The following SRC variants were observed in gnomAD, a reference collection of about 807,000 sequenced individuals.
SRC encodes SRC proto-oncogene, non-receptor tyrosine kinase.
A neutral mutation model predicts 62.9 loss-of-function variants in SRC; 13 were observed. That is an observed-to-expected ratio of 0.21 (90% CI 0.13 to 0.33). The LOEUF is 0.33. Among genes scored for constraint, SRC ranks in the 10% least tolerant of loss-of-function variants. The pLI is 1.00. For synonymous variants in SRC, 302 were observed against 317.5 expected (o/e 0.95, Z 0.52); for missense variants, 457 against 737.3 (o/e 0.62, Z 4.40).
At chr20:37,388,489 T>A (rs1022767115) in intron 5 of SRC, among the ~76,000 whole-genome samples, 4 of 152,232 alleles carry the variant, frequency 2.6e-5, no homozygotes, top group Admixed American at 2.6e-4. Context: ...CTCACGCCTG[T>A]AATCCCAGCA....
chr20:37,396,718 G>C lies in SRC; in HGVS notation c.703+407G>C. ...GAGAGGAGGAGGGGGCGGCCAGATC[G>C]ATTGCAGCAAAGAGGGAAGAGAGCG... On this transcript the variant is annotated intron_variant, in intron 8 of 13. Coordinates refer to ENST00000373578, the MANE Select transcript of SRC (RefSeq NM_198291.3). This position sits in a 1 kb window ranked among gnomAD's most constrained non-coding sequence, Gnocchi z 6.1. The C allele has an allele frequency of 5.0e-6, 1 of 199,090 alleles. No individual in the cohort carries two copies. 12.3% of individuals were successfully genotyped at this position (199,090 alleles called of 1,614,324 possible).
chr20:37,403,408 G>T lies in SRC; in HGVS notation c.*29G>T, dbSNP rs1038695351. ...CAGGCGGGCCCAGACCGGCTTCTCG[G>T]CTTGGATCCTGGGCTGGGTGGCCCC... On this transcript the variant is annotated 3_prime_UTR_variant, in exon 14 of 14. Transcript: ENST00000373578. This position sits in a 1 kb window ranked among gnomAD's most constrained non-coding sequence, Gnocchi z 7.1. The T allele has an allele frequency of 6.5e-6, 10 of 1,543,036 alleles. No homozygotes were observed. The Admixed American group carries it at 1.4e-4, about 21-fold the overall frequency.
chr20:37,363,218 C>T (rs758640481), intron 1 of SRC, among the ~76,000 whole-genome samples: 48 of 152,262 alleles, frequency 3.2e-4, no homozygotes, highest in Non-Finnish European at 5.9e-5. Context: ...AGAAAAGCTT[C>T]CTGGCCCTGC....
intron 1 of SRC, among the ~76,000 whole-genome samples, chr20:37,352,553 G>A (rs1258991605): frequency 6.6e-6 from 1 of 152,140 alleles, no homozygotes; most frequent in African/African-American, 2.4e-5. Flanking sequence ...CCAGTGCCCC[G>A]ATGCCTCACC....
chr20:37,404,829 C>T lies in SRC; in HGVS notation c.*1450C>T. 1 of 233,724 alleles carries T rather than the reference C, an allele frequency of 4.3e-6. No homozygotes were observed. The highest frequency in any genetic ancestry group is 8.5e-6 in the Non-Finnish European group (1 of 118,156). The allele number at this position is 233,724 out of a possible 1,614,324, so 14.5% of individuals were successfully genotyped here. On this transcript the variant is annotated 3_prime_UTR_variant, in exon 14 of 14. Coordinates refer to ENST00000373578, the MANE Select transcript of SRC (RefSeq NM_198291.3). ...TCTCCCTGGGCCTCAGTGTGCCCAT[C>T]TGTAAAGGGGCAGCTGACAGTTTGT...
intron 2 of SRC, among the ~76,000 whole-genome samples, chr20:37,368,529 T>TTTTTTTTTTTTTTTG (rs1568625206): frequency 8.1e-6 from 1 of 122,918 alleles, no homozygotes; most frequent in South Asian, 2.6e-4. Context: ...TTTTTTTTTT[T>TTTTTTTTTTTTTTTG]TTTTTTTTTT....
At chr20:37,363,429 G>A (rs1204691904) in intron 1 of SRC, among the ~76,000 whole-genome samples, 1 of 152,186 alleles carries the variant, frequency 6.6e-6, no homozygotes, top group Admixed American at 6.5e-5. Context: ...TCCCTCCTGG[G>A]TCGCCCTTGC....
intron 10 of SRC, 103 bp from the exon 11 acceptor site, chr20:37,401,499 T>C: frequency 2.5e-6 from 2 of 797,848 alleles, no homozygotes; most frequent in Non-Finnish European, 4.2e-6. Context: ...TCTGCTGTGC[T>C]GGTTAAAGCA....
intron 5 of SRC, among the ~76,000 whole-genome samples, chr20:37,387,603 C>G (rs1033667849): frequency 6.6e-6 from 1 of 152,230 alleles, no homozygotes; most frequent in Admixed American, 6.5e-5. Context: ...CTTGCATGGC[C>G]GAGTCCTGGT....
Position 37,405,176 on chromosome 20 carries a change from CA to C in SRC, c.*1800del, listed in dbSNP as rs2070808694. 1 of 231,816 alleles carries C rather than the reference CA, an allele frequency of 4.3e-6. No individual in the cohort carries two copies. The highest frequency in any genetic ancestry group is 8.5e-6 in the Non-Finnish European group (1 of 116,976). 14.4% of individuals were successfully genotyped at this position (231,816 alleles called of 1,614,324 possible). A position where few individuals can be genotyped will look rare whatever the true frequency, so the allele number is the denominator to read the frequency against. On this transcript the variant is annotated 3_prime_UTR_variant, in exon 14 of 14. Coordinates refer to ENST00000373578, the MANE Select transcript of SRC (RefSeq NM_198291.3). ...GGGCTCACTCACCCCAGCGAGCTCT[CA>C]AATCCCTCTCCAACTGCCTAAGGCC...
chr20:37,391,382 G>A (rs569115435), intron 5 of SRC, among the ~76,000 whole-genome samples: 2 of 152,304 alleles, frequency 1.3e-5, no homozygotes, highest in African/African-American at 4.8e-5. Context: ...TCTGCCATTG[G>A]TTGACCATGT....
Position 37,384,095 on chromosome 20 carries a change from G to T in SRC, c.-4-55G>T. 6.3e-7 allele frequency: 1 copy of T among 1,583,184 alleles called. No homozygotes were observed. On this transcript the variant is annotated intron_variant, in intron 3 of 13. Transcript: ENST00000373578. This position sits in a 1 kb window ranked among gnomAD's most constrained non-coding sequence, Gnocchi z 6.7. ...TGTGGAATGGGTGGGAGGGAGGCCG[G>T]CCAAGGGGCCCCGGCAGCCCTGCCT...
chr20:37,345,565 C>T (rs946015273), upstream of SRC, among the ~76,000 whole-genome samples: 1 of 152,224 alleles, frequency 6.6e-6, no homozygotes, highest in African/African-American at 2.4e-5. Flanking sequence ...CCCTCCTGCC[C>T]CAGCCCCTAC....
intron 2 of SRC, among the ~76,000 whole-genome samples, chr20:37,368,106 C>G (rs1362000857): frequency 6.6e-6 from 1 of 152,054 alleles, no homozygotes; most frequent in Non-Finnish European, 1.5e-5. Context: ...TGCTTGTGCT[C>G]TAGGTGTTGT....
At chr20:37,386,655 A>G (rs868412950) in intron 5 of SRC, among the ~76,000 whole-genome samples, 1 of 151,880 alleles carries the variant, frequency 6.6e-6, no homozygotes, top group African/African-American at 2.4e-5. Context: ...ACCTTAACGC[A>G]GGCTGCGATC....
rs1196474451 is a variant in SRC at position 37,398,889 on chromosome 20, G to A, written c.859+1035G>A. The stretch of plus-strand genomic sequence containing the variant: ...TGCCACATGCAGATGGCCTGAGCCA[G>A]CAGGGCCACAGAGATTGGCCTGAGC... On this transcript the variant is annotated intron_variant, in intron 9 of 13. Coordinates refer to ENST00000373578, the MANE Select transcript of SRC (RefSeq NM_198291.3). The surrounding 1 kb of genome is among the most constrained non-coding windows in gnomAD (Gnocchi z 5.2). Among the ~76,000 whole-genome samples, 2 of 152,228 alleles carry A rather than the reference G, an allele frequency of 1.3e-5. No homozygotes were observed. The highest frequency in any genetic ancestry group is 2.9e-5 in the Non-Finnish European group (2 of 68,038).
rs556153589 is a variant in SRC, at chr20:37,373,015, C to CAT, written c.-173+7746_-173+7747dup. Among the ~76,000 whole-genome samples the CAT allele has an allele frequency of 3.6e-3, 541 of 151,928 alleles. 1 individual carries two copies. Among genetic ancestry groups the CAT allele is most frequent in the Middle Eastern group, 0.01 (3 of 292 alleles). ...AATTCATTATCTTTTCCCCTTTATG[C>CAT]ATATATATACACATATATACACATA... On this transcript the variant is annotated intron_variant, in intron 2 of 13. Transcript: ENST00000373578.
At chr20:37,401,177 A>G (rs966678349) in intron 10 of SRC, among the ~76,000 whole-genome samples, 1 of 149,956 alleles carries the variant, frequency 6.7e-6, no homozygotes, top group African/African-American at 2.5e-5. Flanking sequence ...TTTTTTTCGT[A>G]TTTTTTGTAC....
At chr20:37,374,571 C>CTTTT (rs71187927) in intron 2 of SRC, among the ~76,000 whole-genome samples, 1 of 88,962 alleles carries the variant, frequency 1.1e-5, no homozygotes, top group African/African-American at 3.8e-5. Flanking sequence ...TAATAATACT[C>CTTTT]TTTTTTTTTT....
Sources: allele counts gnomAD v4.1 joint callset (sites outside exome capture counted in the v4.1 genomes callset), GRCh38; gene constraint gnomAD v4.1.1; non-coding constraint Gnocchi (gnomAD v3.1); transcripts MANE v1.5; gene names NCBI Gene and HGNC (gene_info 2026-07-23, HGNC 2026-07-21).